LZTFL1: variants seen among roughly 807,000 people sequenced by gnomAD.
The protein encoded by LZTFL1 is leucine zipper transcription factor like 1.
LZTFL1 carries 25 observed loss-of-function variants against 45.9 expected under a neutral mutation model. That is an observed-to-expected ratio of 0.54 (90% CI 0.40 to 0.76). The LOEUF is 0.76. LZTFL1 is among the 30% of genes least tolerant of loss of function. The pLI is 0.00. For missense variants in LZTFL1, 277 were observed against 331.1 expected, an observed-to-expected ratio of 0.84 and a Z score of 1.27; for synonymous variants, 93 against 117.4, an observed-to-expected ratio of 0.79 and a Z score of 1.35.
chr3:45,861,160 G>T (rs1334752998), intron 2 of LZTFL1, among the ~76,000 whole-genome samples: 2 of 149,326 alleles, frequency 1.3e-5, no homozygotes, highest in Non-Finnish European at 1.5e-5. Context: ...TCAGTACAGA[G>T]ACTGCCTGTG....
At chr3:45,871,881 C>A (rs2125717023) in intron 2 of LZTFL1, among the ~76,000 whole-genome samples, 1 of 152,272 alleles carries the variant, frequency 6.6e-6, no homozygotes, top group East Asian at 1.9e-4. Context: ...TTCCCAGGGC[C>A]AACTATTTCC....
chr3:45,863,399 T>C (rs1701524933), intron 2 of LZTFL1, among the ~76,000 whole-genome samples: 1 of 151,516 alleles, frequency 6.6e-6, no homozygotes, highest in Non-Finnish European at 1.5e-5. Flanking sequence ...CTCAGGGGAG[T>C]GGTTGATGGG....
upstream of LZTFL1, among the ~76,000 whole-genome samples, chr3:45,843,815 T>C (rs369411912): frequency 2.2e-4 from 34 of 152,326 alleles, 1 homozygote; most frequent in African/African-American, 8.2e-4. Context: ...TGAATTTGGC[T>C]CATGAAAAGG....
At chr3:45,909,918 C>A (rs904976071) in intron 2 of LZTFL1, among the ~76,000 whole-genome samples, 1 of 152,188 alleles carries the variant, frequency 6.6e-6, no homozygotes, top group Non-Finnish European at 1.5e-5. Context: ...GGGACCATCA[C>A]CCCTAATTCT....
chr3:45,838,893 A>G (rs1701033559), intron 1 of LZTFL1, among the ~76,000 whole-genome samples: 1 of 152,258 alleles, frequency 6.6e-6, no homozygotes, highest in South Asian at 2.1e-4. Context: ...GTACTCAAGT[A>G]CAACAGGTTA....
At chr3:45,859,125 A>G (rs1159236024) in intron 2 of LZTFL1, 1 of 152,264 alleles carries the variant, frequency 6.6e-6, no homozygotes, top group African/African-American at 2.4e-5. Flanking sequence ...GATACACAAC[A>G]TGTAAGGCAG....
At chr3:45,906,131 G>A (rs998933116) in intron 2 of LZTFL1, among the ~76,000 whole-genome samples, 2 of 152,202 alleles carry the variant, frequency 1.3e-5, no homozygotes, top group Non-Finnish European at 1.5e-5. Flanking sequence ...GCCCACCTAA[G>A]GCTGGATGGG....
chr3:45,863,400 G>A (rs72876563), intron 2 of LZTFL1, among the ~76,000 whole-genome samples: 1,682 of 152,278 alleles, frequency 0.011, 31 homozygotes, highest in African/African-American at 0.038. Context: ...TCAGGGGAGT[G>A]GTTGATGGGA....
chr3:45,857,868 C>T (rs1421424127), intron 3 of LZTFL1, among the ~76,000 whole-genome samples: 4 of 152,108 alleles, frequency 2.6e-5, no homozygotes, highest in Non-Finnish European at 4.4e-5. Context: ...AATTGATGAA[C>T]TATATTGACA....
intron 2 of LZTFL1, among the ~76,000 whole-genome samples, chr3:45,893,680 C>G (rs1483882210): frequency 6.6e-6 from 1 of 152,164 alleles, no homozygotes; most frequent in Non-Finnish European, 1.5e-5. Flanking sequence ...GTTAACTTAT[C>G]CATTTACTAC....
At chr3:45,896,544 G>A (rs766112106) in intron 2 of LZTFL1, among the ~76,000 whole-genome samples, 5 of 152,176 alleles carry the variant, frequency 3.3e-5, no homozygotes, top group South Asian at 2.1e-4. Flanking sequence ...TGAGGAGACC[G>A]AGACTGGGGA....
chr3:45,866,857 G>A (rs1477114881), intron 2 of LZTFL1, among the ~76,000 whole-genome samples: 1 of 152,160 alleles, frequency 6.6e-6, no homozygotes, highest in Non-Finnish European at 1.5e-5. Context: ...CTAAAAATAA[G>A]ATAGTTGCGG....
upstream of LZTFL1, among the ~76,000 whole-genome samples, chr3:45,842,821 T>A (rs1419681441): frequency 1.3e-5 from 2 of 152,202 alleles, no homozygotes; most frequent in Non-Finnish European, 2.9e-5. Flanking sequence ...GTCCTTGGGA[T>A]CTGCACTTTT....
rs752711594 is a variant in LZTFL1, at chr3:45,901,886, A to T, written c.-215+11234T>A. On this transcript the variant is annotated intron_variant, in intron 2 of 4. Transcript: ENST00000472635. The surrounding 1 kb of genome is among the most constrained non-coding windows in gnomAD (Gnocchi z 4.3). The stretch of plus-strand genomic sequence containing the variant: ...TGTTGCTGGAGACAACCTCAGGAGC[A>T]CTCTCCCTCTGAGGGGTCTTCTCTG... The T allele has an allele frequency of 3.8e-6, 6 of 1,594,386 alleles. No homozygotes were observed. Among genetic ancestry groups the T allele is most frequent in the Non-Finnish European group, 5.1e-6 (6 of 1,167,250 alleles).
At chr3:45,883,964 T>C (rs1217194908) in intron 2 of LZTFL1, 2 of 372,336 alleles carry the variant, frequency 5.4e-6, no homozygotes, top group African/African-American at 2.1e-5. Flanking sequence ...CAGTGACAAA[T>C]GAATGTGCTG....
chr3:45,851,379 A>G (rs1701308007), intron 4 of LZTFL1, among the ~76,000 whole-genome samples: 1 of 151,876 alleles, frequency 6.6e-6, no homozygotes, highest in African/African-American at 2.4e-5. Flanking sequence ...GGCACCTGCC[A>G]CCACGCCCAG....
intron 4 of LZTFL1, among the ~76,000 whole-genome samples, chr3:45,847,943 T>C: frequency 6.6e-6 from 1 of 152,220 alleles, no homozygotes; most frequent in Non-Finnish European, 1.5e-5. Context: ...CTTTTCTTAG[T>C]GGTGTCTTGA....
intron 4 of LZTFL1, among the ~76,000 whole-genome samples, chr3:45,852,931 G>T (rs1401965027): frequency 6.6e-6 from 1 of 152,174 alleles, no homozygotes; most frequent in Non-Finnish European, 1.5e-5. Flanking sequence ...ATGAGACCTA[G>T]ATTGGAAACC....
intron 2 of LZTFL1, among the ~76,000 whole-genome samples, chr3:45,865,183 G>A (rs949136391): frequency 9.9e-5 from 15 of 152,156 alleles, no homozygotes; most frequent in Admixed American, 9.2e-4. Flanking sequence ...CCTTTCCTGA[G>A]GAGAAGAAGG....
Sources: allele counts gnomAD v4.1 joint callset (sites outside exome capture counted in the v4.1 genomes callset), GRCh38; gene constraint gnomAD v4.1.1; non-coding constraint Gnocchi (gnomAD v3.1); transcripts MANE v1.5; gene names NCBI Gene and HGNC (gene_info 2026-07-23, HGNC 2026-07-21).